NAA20: variants seen among roughly 807,000 people sequenced by gnomAD.
The protein encoded by NAA20 is N-alpha-acetyltransferase 20, NatB catalytic subunit.
NAA20 carries 24 observed loss-of-function variants against 23.8 expected under a neutral mutation model. The observed-to-expected ratio is 1.01, with a 90% confidence interval of 0.73 to 1.42. The LOEUF is 1.42. NAA20 is among the 40% of genes most tolerant of loss of function. NAA20 has a pLI of 0.00. For synonymous variants in NAA20, 83 were observed against 77.7 expected (o/e 1.07, Z -0.36); for missense variants, 166 against 223.1 (o/e 0.74, Z 1.63).
At chr20:20,028,341 G>A (rs978455333) in intron 4 of NAA20, among the ~76,000 whole-genome samples, 1 of 152,098 alleles carries the variant, frequency 6.6e-6, no homozygotes, top group Admixed American at 6.5e-5. Context: ...CCTGTCGGGG[G>A]TGGGGGTCTA....
intron 4 of NAA20, among the ~76,000 whole-genome samples, chr20:20,029,763 G>A (rs2043330333): frequency 6.6e-6 from 1 of 152,090 alleles, no homozygotes; most frequent in South Asian, 2.1e-4. Context: ...TTTTCTAATT[G>A]ATAGAACAAT....
chr20:20,017,943 G>T, intron 1 of NAA20: 2 of 1,612,764 alleles, frequency 1.2e-6, no homozygotes, highest in Middle Eastern at 1.7e-4. Context: ...GTTGGGATGT[G>T]TACATCGTGA....
chr20:20,017,967 G>A, intron 1 of NAA20: 1 of 1,613,964 alleles, frequency 6.2e-7, no homozygotes, highest in Non-Finnish European at 8.5e-7. Flanking sequence ...CCACCTGGTG[G>A]CCGTGGTTAA....
chr20:20,028,743 G>A (rs1185855738), intron 4 of NAA20, among the ~76,000 whole-genome samples: 2 of 152,032 alleles, frequency 1.3e-5, no homozygotes, highest in African/African-American at 2.4e-5. Context: ...TGCATACAAT[G>A]TATACATTAA....
At chr20:20,018,985 G>T (rs1182077647) in intron 1 of NAA20, 2 of 964,666 alleles carry the variant, frequency 2.1e-6, no homozygotes, top group Non-Finnish European at 2.5e-6. Flanking sequence ...TTCCGTTTGC[G>T]ATCCACTGCT....
At chr20:20,017,853 G>C (rs1367115136) in intron 1 of NAA20, 4 of 1,542,786 alleles carry the variant, frequency 2.6e-6, no homozygotes, top group Non-Finnish European at 3.5e-6. Context: ...TGGCCGGGCC[G>C]CGCCTCTTCT....
chr20:20,032,445 T>C (rs575467477), intron 4 of NAA20, 63 bp from the exon 5 acceptor site: 39 of 1,516,530 alleles, frequency 2.6e-5, no homozygotes, highest in Admixed American at 7.6e-5. Context: ...AAAAAATATG[T>C]ATCTATTACT....
chr20:20,026,806 A>C lies in NAA20; in HGVS notation c.192A>C (p.Ser64=). 6.2e-7 allele frequency: 1 copy of C among 1,614,220 alleles called. No homozygotes were observed. Among genetic ancestry groups the C allele is most frequent in the Non-Finnish European group, 8.5e-7 (1 of 1,180,022 alleles). ...CAGTTATGGGTAAAGCAGAAGGCTCAGTAGCTAGGGAAGAATGGCACGGGC... is the reference window on the plus strand; with the variant it reads ...CAGTTATGGGTAAAGCAGAAGGCTCCGTAGCTAGGGAAGAATGGCACGGGC... The part of the protein sequence containing the change: ...MGYIMGKAEG[S]VAREEWHGHV... The change falls in exon 4 of 6, where the codon TCA becomes TCC. Residue 64 remains serine, a synonymous_variant. Coordinates refer to ENST00000334982, the MANE Select transcript of NAA20 (RefSeq NM_016100.5).
In NAA20 at chr20:20,032,538, A is replaced by T; in HGVS notation, c.336A>T (p.Val112=). 1 of 1,613,338 alleles carries T rather than the reference A, an allele frequency of 6.2e-7. No individual in the cohort carries two copies. The highest frequency in any genetic ancestry group is 1.1e-5 in the South Asian group (1 of 90,980). Residue 112 remains valine, a synonymous_variant, in exon 5 of 6, where the codon GTA becomes GTT. Transcript: ENST00000334982. The stretch of plus-strand genomic sequence containing the variant: ...GTGGATTTTTTGTGGATCTCTTTGT[A>T]AGAGTATCTAACCAAGTTGCAGTTA... ...RKGGFFVDLF[V]RVSNQVAVNM... is the part of the protein sequence containing the mutation.
intron 1 of NAA20, among the ~76,000 whole-genome samples, chr20:20,021,965 G>A (rs2043271318): frequency 6.6e-6 from 1 of 152,142 alleles, no homozygotes; most frequent in African/African-American, 2.4e-5. Flanking sequence ...GGGACAGGGA[G>A]GTGGGAGTGT....
At position 20,025,663 on chromosome 20, in the gene NAA20, T is replaced by C; in HGVS notation, c.79-14T>C. On this transcript the variant is annotated splice_polypyrimidine_tract_variant and intron_variant, in intron 2 of 5. Coordinates refer to ENST00000334982, the MANE Select transcript of NAA20 (RefSeq NM_016100.5). ...ACTGTCCATTACTTTTCACACTCCT[T>C]AACAGGACTCTAGTATGGGATTCCT... is the stretch of plus-strand genomic sequence containing the variant. 6.3e-7 allele frequency: 1 copy of C among 1,588,702 alleles called. No homozygotes were observed. Among genetic ancestry groups the C allele is most frequent in the Non-Finnish European group, 8.6e-7 (1 of 1,156,974 alleles).
intron 1 of NAA20, among the ~76,000 whole-genome samples, chr20:20,021,299 T>C (rs1196505707): frequency 6.6e-6 from 1 of 152,080 alleles, no homozygotes; most frequent in Non-Finnish European, 1.5e-5. Flanking sequence ...ATCTTCATGA[T>C]GTATTAAGAA....
chr20:20,018,830 G>T (rs890605606), intron 1 of NAA20: 1 of 960,322 alleles, frequency 1.0e-6, no homozygotes, highest in African/African-American at 1.8e-5. Context: ...TTGTGTATGA[G>T]TAAACCAAGG....
At position 20,033,329 on chromosome 20, in the gene NAA20, A is replaced by G; in HGVS notation, c.*142A>G. 1.6e-6 allele frequency: 1 copy of G among 633,800 alleles called. No homozygotes were observed. Among genetic ancestry groups the G allele is most frequent in the Admixed American group, 3.0e-5 (1 of 32,996 alleles). 39.3% of individuals were successfully genotyped at this position (633,800 alleles called of 1,614,324 possible). ...TCAAGAAAATACAGGTTATCAATTTATTTTAAATCTCATTGTTTCCAGTTA... is the reference window on the plus strand; with the variant it reads ...TCAAGAAAATACAGGTTATCAATTTGTTTTAAATCTCATTGTTTCCAGTTA... On this transcript the variant is annotated 3_prime_UTR_variant, in exon 6 of 6. Coordinates refer to ENST00000334982, the MANE Select transcript of NAA20 (RefSeq NM_016100.5).
At chr20:20,020,661 G>A (rs2043260832) in intron 1 of NAA20, among the ~76,000 whole-genome samples, 1 of 152,112 alleles carries the variant, frequency 6.6e-6, no homozygotes, top group Non-Finnish European at 1.5e-5. Flanking sequence ...GAAATTTGGG[G>A]GTCAGCACAA....
rs1010495295 is a variant in NAA20 at position 20,018,841 on chromosome 20, C to T, written c.53+1392C>T. On this transcript the variant is annotated intron_variant, in intron 1 of 5. Transcript: ENST00000334982. The stretch of plus-strand genomic sequence containing the variant: ...CATTTTGTGTATGAGTAAACCAAGG[C>T]ATGGCAAGCACAAGTGAATTGGCCC... 8 of 976,574 alleles carry T rather than the reference C, an allele frequency of 8.2e-6. No homozygotes were observed. The Admixed American group carries it at 4.9e-4, about 60-fold the overall frequency. The allele number at this position is 976,574 out of a possible 1,614,324, so 60.5% of individuals were successfully genotyped here.
At chr20:20,030,600 A>G (rs1263986619) in intron 4 of NAA20, among the ~76,000 whole-genome samples, 4 of 152,158 alleles carry the variant, frequency 2.6e-5, no homozygotes, top group African/African-American at 9.6e-5. Context: ...CTTATTTTGC[A>G]CAGATATGAT....
At chr20:20,032,486 C>CT (rs567920995) in intron 4 of NAA20, 22 bp from the exon 5 acceptor site, 1 of 1,603,196 alleles carries the variant, frequency 6.2e-7, no homozygotes, top group Admixed American at 1.7e-5. Flanking sequence ...TAACATTTTC[C>CT]TTTTTTGTTT....
intron 1 of NAA20, chr20:20,017,846 C>T: frequency 6.5e-7 from 1 of 1,528,006 alleles, no homozygotes; most frequent in East Asian, 2.3e-5. Flanking sequence ...TGGTTCGTGG[C>T]CGGGCCGCGC....
Sources: allele counts gnomAD v4.1 joint callset (sites outside exome capture counted in the v4.1 genomes callset), GRCh38; gene constraint gnomAD v4.1.1; transcripts MANE v1.5; gene names NCBI Gene and HGNC (gene_info 2026-07-23, HGNC 2026-07-21).